Variants in OCIAD1 observed in about 807,000 individuals in gnomAD.
The protein encoded by OCIAD1 is OCIA domain containing 1.
A neutral mutation model predicts 38.9 loss-of-function variants in OCIAD1; 29 were observed. The observed-to-expected ratio is 0.74, with a 90% CI of 0.55 to 1.02. The LOEUF is 1.02. Ranked by LOEUF, OCIAD1 falls within the 50% of genes least tolerant of loss-of-function variation. OCIAD1 has a pLI of 0.00. For synonymous variants in OCIAD1, 110 were observed against 92.0 expected, an observed-to-expected ratio of 1.20 and a Z score of -1.12; for missense variants, 288 against 289.6, an observed-to-expected ratio of 0.99 and a Z score of 0.04.
intron 1 of OCIAD1, among the ~76,000 whole-genome samples, chr4:48,812,282 C>A (rs1467170072): frequency 1.6e-4 from 4 of 25,076 alleles, no homozygotes; most frequent in African/African-American, 2.0e-4. Context: ...GAGTTGGTCT[C>A]AAAAAAAAAA....
At chr4:48,843,075 C>A (rs1485582354) in intron 4 of OCIAD1, among the ~76,000 whole-genome samples, 1 of 152,152 alleles carries the variant, frequency 6.6e-6, no homozygotes, top group African/African-American at 2.4e-5. Context: ...ATTTAAAGAT[C>A]AGTAGCTCTC....
chr4:48,811,919 T>C (rs1777092158), intron 1 of OCIAD1, among the ~76,000 whole-genome samples: 1 of 151,932 alleles, frequency 6.6e-6, no homozygotes, highest in African/African-American at 2.4e-5. Context: ...TATGTAAAGT[T>C]TGAGATGCAA....
At chr4:48,809,842 C>A (rs1194102255) in intron 1 of OCIAD1, among the ~76,000 whole-genome samples, 1 of 152,182 alleles carries the variant, frequency 6.6e-6, no homozygotes, top group African/African-American at 2.4e-5. Flanking sequence ...CCTCTAATAA[C>A]CTAGGCTCCC....
chr4:48,843,904 A>G (rs1250644066), intron 4 of OCIAD1, among the ~76,000 whole-genome samples: 2 of 152,262 alleles, frequency 1.3e-5, no homozygotes, highest in Non-Finnish European at 2.9e-5. Flanking sequence ...AATAGCTGCT[A>G]GTAGTTCACT....
intron 3 of OCIAD1, among the ~76,000 whole-genome samples, chr4:48,836,599 C>G (rs1778011953): frequency 6.6e-6 from 1 of 151,954 alleles, no homozygotes; most frequent in South Asian, 2.1e-4. Flanking sequence ...TAGTTTCTGC[C>G]CTGTGATTAA....
chr4:48,819,730 AAAAAAAAAAAAAAAG>A (rs1777174135), intron 1 of OCIAD1, among the ~76,000 whole-genome samples: 2 of 143,722 alleles, frequency 1.4e-5, no homozygotes, highest in Admixed American at 7.1e-5. Context: ...AAAAAAAAAA[AAAAAAAAAAAAAAAG>A]GAGGGGTTGC....
At chr4:48,836,243 TGA>T (rs1395039514) in intron 3 of OCIAD1, among the ~76,000 whole-genome samples, 1 of 152,162 alleles carries the variant, frequency 6.6e-6, no homozygotes, top group African/African-American at 2.4e-5. Flanking sequence ...CTGGAAAAGA[TGA>T]GCTGGCAACG....
chr4:48,857,342 A>G lies in OCIAD1; in HGVS notation c.677A>G (p.His226Arg), dbSNP rs761848773. ...ACTGACCCCTCAGTCAGGCCTATGC[A>G]TGAAAGAGTGCCAAAAAAAGAAGGT... is the stretch of plus-strand genomic sequence containing the variant. Reference protein sequence around the residue: ...QKTDPSVRPMHERVPKKEVKV... With the variant: ...QKTDPSVRPMRERVPKKEVKV... The change falls in exon 8 of 9, where the codon CAT (histidine) becomes CGT (arginine). Residue 226 changes from histidine to arginine, a missense_variant. By Grantham distance (29) the His-to-Arg change is conservative (BLOSUM62 0). Coordinates refer to ENST00000264312, the MANE Select transcript of OCIAD1 (RefSeq NM_017830.4). The G allele has an allele frequency of 6.4e-7, 1 of 1,565,750 alleles. No individual in the cohort carries two copies. Among genetic ancestry groups the G allele is most frequent in the East Asian group, 2.3e-5 (1 of 43,238 alleles).
At chr4:48,806,486 A>C (rs1777026199) in intron 1 of OCIAD1, among the ~76,000 whole-genome samples, 1 of 152,154 alleles carries the variant, frequency 6.6e-6, no homozygotes, top group African/African-American at 2.4e-5. Context: ...AATGTTTAAA[A>C]CTCATTTCAA....
chr4:48,859,048 A>G (rs1780356782), intron 8 of OCIAD1, among the ~76,000 whole-genome samples: 1 of 152,186 alleles, frequency 6.6e-6, no homozygotes, highest in Non-Finnish European at 1.5e-5. Context: ...GGTCTTTGGT[A>G]CCTTCTTGAA....
chr4:48,837,579 CTG>C (rs1226877407), intron 3 of OCIAD1, among the ~76,000 whole-genome samples: 1 of 151,738 alleles, frequency 6.6e-6, no homozygotes, highest in African/African-American at 2.4e-5. Context: ...GCATGAGCCA[CTG>C]TGCCTGGCCA....
chr4:48,836,994 C>T (rs943957460), intron 3 of OCIAD1, among the ~76,000 whole-genome samples: 27 of 152,032 alleles, frequency 1.8e-4, no homozygotes, highest in Middle Eastern at 3.4e-3. Flanking sequence ...TTTTTTGAGA[C>T]GGAGTCTCGC....
In OCIAD1 at chr4:48,819,791, CAA is replaced by C. The variant is rs1777176095; in HGVS notation, c.-102-10784_-102-10783del. ...TCTGATAAAACAGACTTTAAACCAA[CAA>C]AGATAAAAAAAGACAAAGAAGGGCA... On this transcript the variant is annotated intron_variant, in intron 1 of 6. Transcript: ENST00000504654. Among the ~76,000 whole-genome samples the C allele has an allele frequency of 5.8e-5, 5 of 85,512 alleles. No homozygotes were observed. In the East Asian group the frequency reaches 1.5e-3, roughly 26 times the overall value. The allele number at this position is 85,512 out of a possible 152,430, so 56.1% of individuals were successfully genotyped here. A position where few individuals can be genotyped will look rare whatever the true frequency, so the allele number is the denominator to read the frequency against.
At chr4:48,838,907 G>A (rs1462426428) in intron 3 of OCIAD1, among the ~76,000 whole-genome samples, 2 of 152,210 alleles carry the variant, frequency 1.3e-5, no homozygotes, top group East Asian at 1.9e-4. Flanking sequence ...ATTTCTAGGT[G>A]CTTAAAATCG....
At chr4:48,829,798 T>A (rs1317503732), upstream of OCIAD1, among the ~76,000 whole-genome samples, 2 of 152,212 alleles carry the variant, frequency 1.3e-5, no homozygotes, top group African/African-American at 4.8e-5. Flanking sequence ...AGGGATTTAT[T>A]TGGTTCTATA....
chr4:48,846,966 T>G (rs1779032208), intron 4 of OCIAD1, among the ~76,000 whole-genome samples: 1 of 151,974 alleles, frequency 6.6e-6, no homozygotes, highest in Admixed American at 6.5e-5. Flanking sequence ...CTGTTACAAT[T>G]AGTTTTGCCA....
chr4:48,830,261 C>T (rs994131426), upstream of OCIAD1, among the ~76,000 whole-genome samples: 13 of 152,168 alleles, frequency 8.5e-5, no homozygotes, highest in Admixed American at 2.0e-4. Context: ...GACTGTCTCC[C>T]TTAAGTATGT....
chr4:48,841,755 G>C (rs1376255282), intron 3 of OCIAD1, among the ~76,000 whole-genome samples: 4 of 152,108 alleles, frequency 2.6e-5, no homozygotes, highest in African/African-American at 9.7e-5. Flanking sequence ...AATTCTGTTA[G>C]ACAGTGCTGG....
chr4:48,852,876 T>TTTTTTTTTTTTTG (rs1553901184), intron 7 of OCIAD1, among the ~76,000 whole-genome samples: 142 of 136,734 alleles, frequency 1.0e-3, no homozygotes, highest in Middle Eastern at 3.7e-3. Context: ...TTTTTTTTTG[T>TTTTTTTTTTTTTG]TTTTTGTTTT....
Sources: allele counts gnomAD v4.1 joint callset (sites outside exome capture counted in the v4.1 genomes callset), GRCh38; gene constraint gnomAD v4.1.1; transcripts MANE v1.5; gene names NCBI Gene and HGNC (gene_info 2026-07-23, HGNC 2026-07-21).